The following MDFIC2 variants were observed in gnomAD, a reference collection of about 807,000 sequenced individuals.
MDFIC2 encodes MyoD family inhibitor domain containing 2.
At chr3:70,296,630 A>G (rs1702291907) in intron 2 of MDFIC2, among the ~76,000 whole-genome samples, 1 of 152,114 alleles carries the variant, frequency 6.6e-6, no homozygotes, top group South Asian at 2.1e-4. Flanking sequence ...CTTGTCCTTG[A>G]TGTTTTCTTT....
intron 2 of MDFIC2, among the ~76,000 whole-genome samples, chr3:70,295,912 TA>T (rs1202843233): frequency 2.6e-5 from 4 of 152,196 alleles, no homozygotes; most frequent in African/African-American, 9.6e-5. Context: ...ACTTGCTCAT[TA>T]TATTCCTTCA....
intron 2 of MDFIC2, among the ~76,000 whole-genome samples, chr3:70,250,852 G>T (rs1701758558): frequency 6.6e-6 from 1 of 151,978 alleles, no homozygotes; most frequent in African/African-American, 2.4e-5. Context: ...AGGTTGAATG[G>T]GCAGACTGTC....
intron 2 of MDFIC2, among the ~76,000 whole-genome samples, chr3:70,308,297 G>T (rs1702422096): frequency 6.6e-6 from 1 of 151,812 alleles, no homozygotes; most frequent in Non-Finnish European, 1.5e-5. Flanking sequence ...TGGGTTCAAG[G>T]GATCTTCCCA....
intron 2 of MDFIC2, among the ~76,000 whole-genome samples, chr3:70,263,282 G>A (rs900343134): frequency 9.2e-5 from 14 of 151,492 alleles, no homozygotes; most frequent in African/African-American, 3.4e-4. Context: ...TCGAGTGCTG[G>A]TTTTTAAAAA....
At chr3:70,297,618 C>T (rs1323665838) in intron 2 of MDFIC2, among the ~76,000 whole-genome samples, 2 of 151,996 alleles carry the variant, frequency 1.3e-5, no homozygotes, top group Non-Finnish European at 2.9e-5. Context: ...TTAAATTCTT[C>T]CTTCAAGGAT....
At chr3:70,240,683 A>G (rs1036762833) in intron 2 of MDFIC2, among the ~76,000 whole-genome samples, 2 of 152,108 alleles carry the variant, frequency 1.3e-5, no homozygotes, top group African/African-American at 4.8e-5. Context: ...TATAGTACCA[A>G]TCTGGTTTAT....
Position 70,206,556 on chromosome 3 carries a change from C to G in MDFIC2, c.310+13G>C. On this transcript the variant is annotated intron_variant, in intron 3 of 3. Transcript: ENST00000567252. ...GCTTTATTTAGAGATGGGTTGAATT[C>G]TGAGAAACATACCATCAGTGTCTCT... 1 of 397,362 alleles carries G rather than the reference C, an allele frequency of 2.5e-6. No homozygotes were observed. The highest frequency in any genetic ancestry group is 3.6e-5 in the East Asian group (1 of 28,026). The allele number at this position is 397,362 out of a possible 1,614,324, so 24.6% of individuals were successfully genotyped here.
At chr3:70,201,860 C>G (rs998299609) in intron 3 of MDFIC2, among the ~76,000 whole-genome samples, 5 of 152,154 alleles carry the variant, frequency 3.3e-5, no homozygotes, top group African/African-American at 1.2e-4. Context: ...TGGCTTCTGT[C>G]TAGATTCAGC....
At chr3:70,273,222 C>T (rs927669926) in intron 2 of MDFIC2, among the ~76,000 whole-genome samples, 1 of 152,136 alleles carries the variant, frequency 6.6e-6, no homozygotes, top group Non-Finnish European at 1.5e-5. Context: ...GAATGTTTGT[C>T]CCCAGAGATG....
intron 2 of MDFIC2, among the ~76,000 whole-genome samples, chr3:70,223,635 T>C (rs1575600896): frequency 6.6e-6 from 1 of 152,168 alleles, no homozygotes; most frequent in Non-Finnish European, 1.5e-5. Flanking sequence ...TATTTCCTGG[T>C]ACCCTGTCAC....
At chr3:70,293,045 CAAAAAA>C (rs55990203) in intron 2 of MDFIC2, among the ~76,000 whole-genome samples, 19,790 of 74,344 alleles carry the variant, frequency 0.27, 1,170 homozygotes, top group South Asian at 0.36. Context: ...TGGTTTGAAG[CAAAAAA>C]AAAAAAAAAA....
chr3:70,201,478 T>C (rs1701238804), intron 3 of MDFIC2, among the ~76,000 whole-genome samples: 1 of 152,206 alleles, frequency 6.6e-6, no homozygotes, highest in Non-Finnish European at 1.5e-5. Context: ...TCCATGTCTT[T>C]GCTATTGCAA....
chr3:70,231,450 A>G (rs1429186138), intron 2 of MDFIC2, among the ~76,000 whole-genome samples: 1 of 152,210 alleles, frequency 6.6e-6, no homozygotes. Flanking sequence ...TGAAAGCTCT[A>G]AAAGAGCTCC....
chr3:70,232,818 C>T (rs1317814666), intron 2 of MDFIC2, among the ~76,000 whole-genome samples: 2 of 152,026 alleles, frequency 1.3e-5, no homozygotes, highest in African/African-American at 2.4e-5. Context: ...GTTTGTCTTC[C>T]CAGGGTGATT....
intron 2 of MDFIC2, among the ~76,000 whole-genome samples, chr3:70,276,979 T>A (rs1346692255): frequency 2.0e-5 from 3 of 152,198 alleles, no homozygotes; most frequent in Non-Finnish European, 4.4e-5. Context: ...TTTTTTTTTT[T>A]ATTCTTTCTT....
chr3:70,284,995 C>T (rs1702128370), intron 2 of MDFIC2, among the ~76,000 whole-genome samples: 1 of 152,056 alleles, frequency 6.6e-6, no homozygotes, highest in African/African-American at 2.4e-5. Flanking sequence ...ACTTAAATCA[C>T]TGCAGTTCCA....
rs548500340 is a variant in MDFIC2, at chr3:70,241,049, C to G, written c.89-34259G>C. ...TTACACCTTGTAACCAATTTACTGT[C>G]ACAGTGTTTTTAGCCTGTGATGTGA... On this transcript the variant is annotated intron_variant, in intron 2 of 3. Coordinates refer to ENST00000567252, the MANE Select transcript of MDFIC2 (RefSeq NM_001364677.1). 3.9e-5 allele frequency among the ~76,000 whole-genome samples: 6 copies of G among 152,222 alleles called. No individual in the cohort carries two copies. In the East Asian group the frequency reaches 7.7e-4, roughly 20 times the overall value.
chr3:70,247,119 G>T (rs554815052), intron 2 of MDFIC2, among the ~76,000 whole-genome samples: 1 of 151,992 alleles, frequency 6.6e-6, no homozygotes, highest in African/African-American at 2.4e-5. Flanking sequence ...ATCAATTCAT[G>T]TTGCTTGAAT....
chr3:70,282,160 G>T (rs566053702), intron 2 of MDFIC2, among the ~76,000 whole-genome samples: 1 of 152,222 alleles, frequency 6.6e-6, no homozygotes, highest in South Asian at 2.1e-4. Context: ...TCAACAGATT[G>T]CTCCCATCTC....
Sources: gnomAD v4.1 joint callset for allele counts (sites outside exome capture counted in the v4.1 genomes callset) on GRCh38, gnomAD v4.1.1 for gene constraint, MANE v1.5 for transcripts, NCBI Gene and HGNC (gene_info 2026-07-23, HGNC 2026-07-21) for gene names.